SCAPER: variants seen among roughly 807,000 people sequenced by gnomAD.
The protein encoded by SCAPER is S-phase cyclin A associated protein in the ER.
A neutral mutation model predicts 182.2 loss-of-function variants in SCAPER; 98 were observed. That is an observed-to-expected ratio of 0.54 (90% CI 0.46 to 0.64). The LOEUF (loss-of-function observed/expected upper bound fraction) is 0.64, where lower values mean the gene tolerates loss of function less well. Ranked by LOEUF, SCAPER falls within the 30% of genes least tolerant of loss-of-function variation. The pLI is 0.00. For synonymous variants in SCAPER, 605 were observed against 564.6 expected (o/e 1.07, Z -1.01); for missense variants, 1,432 against 1,690.0 (o/e 0.85, Z 2.68).
In SCAPER at chr15:76,667,625, C is replaced by CAAAAAAAAAAAAAAA. The variant is rs775463270; in HGVS notation, c.2509-1851_2509-1837dup. 2.9e-4 allele frequency among the ~76,000 whole-genome samples: 8 copies of CAAAAAAAAAAAAAAA among 27,474 alleles called. 1 individual carries two copies. Among genetic ancestry groups the CAAAAAAAAAAAAAAA allele is most frequent in the African/African-American group, 2.6e-4 (2 of 7,622 alleles). 18.0% of individuals were successfully genotyped at this position (27,474 alleles called of 152,430 possible). A position where few individuals can be genotyped will look rare whatever the true frequency, so the allele number is the denominator to read the frequency against. ...GGGCAACAAGAGCGAGACTCAGTCT[C>CAAAAAAAAAAAAAAA]AAAAAAAAAAAAAAAAAAAAAAAAA... On this transcript the variant is annotated intron_variant, in intron 20 of 31. Coordinates refer to ENST00000563290, the MANE Select transcript of SCAPER (RefSeq NM_020843.4).
intron 31 of SCAPER, 41 bp from the exon 32 acceptor site, chr15:76,348,777 G>C: frequency 8.5e-7 from 1 of 1,177,838 alleles, no homozygotes; most frequent in African/African-American, 1.6e-5. Flanking sequence ...AATAAAAGAG[G>C]GTTAAATTCT....
chr15:76,387,316 C>G (rs903991997), intron 27 of SCAPER, among the ~76,000 whole-genome samples: 1 of 152,170 alleles, frequency 6.6e-6, no homozygotes, highest in East Asian at 1.9e-4. Context: ...ACAGTGGAGA[C>G]AGTGGATTGG....
intron 2 of SCAPER, among the ~76,000 whole-genome samples, chr15:76,867,893 A>G (rs1031190333): frequency 6.6e-6 from 1 of 152,168 alleles, no homozygotes; most frequent in African/African-American, 2.4e-5. Context: ...AATATAGGGG[A>G]AAATGAGGTA....
chr15:76,593,908 G>T (rs1383492320), intron 22 of SCAPER, among the ~76,000 whole-genome samples: 2 of 120,704 alleles, frequency 1.7e-5, no homozygotes, highest in Admixed American at 9.5e-5. Context: ...AACACCAGAA[G>T]GCCTCTTCTC....
At chr15:76,505,616 A>G (rs2041504426) in intron 23 of SCAPER, among the ~76,000 whole-genome samples, 1 of 152,210 alleles carries the variant, frequency 6.6e-6, no homozygotes, top group Admixed American at 6.5e-5. Context: ...GAGGATGTGG[A>G]GAGGGAACTC....
intron 5 of SCAPER, among the ~76,000 whole-genome samples, chr15:76,805,632 A>G (rs2066101104): frequency 7.0e-6 from 1 of 142,436 alleles, no homozygotes; most frequent in Non-Finnish European, 1.5e-5. Flanking sequence ...TGATCTCAGC[A>G]TCGCGGCTCA....
intron 7 of SCAPER, among the ~76,000 whole-genome samples, chr15:76,796,970 C>T (rs942519925): frequency 3.3e-5 from 5 of 152,098 alleles, no homozygotes; most frequent in African/African-American, 9.7e-5. Flanking sequence ...CCATACAGTG[C>T]CAGGCACTTA....
intron 5 of SCAPER, among the ~76,000 whole-genome samples, chr15:76,835,742 G>C (rs144620105): frequency 1.1e-4 from 16 of 152,058 alleles, no homozygotes; most frequent in African/African-American, 3.6e-4. Flanking sequence ...TAGGAAGAGA[G>C]GAAGTCAAGC....
intron 1 of SCAPER, among the ~76,000 whole-genome samples, chr15:76,896,769 T>C (rs1568428722): frequency 6.6e-6 from 1 of 151,824 alleles, no homozygotes; most frequent in Non-Finnish European, 1.5e-5. Flanking sequence ...TACAAAATAA[T>C]ACCAGCAATC....
At chr15:76,746,699 A>T (rs1034420153) in intron 15 of SCAPER, among the ~76,000 whole-genome samples, 2 of 152,278 alleles carry the variant, frequency 1.3e-5, no homozygotes, top group Admixed American at 1.3e-4. Flanking sequence ...ATCAATATAT[A>T]AAAATTGATT....
intron 4 of SCAPER, among the ~76,000 whole-genome samples, chr15:76,856,492 A>G (rs972280093): frequency 1.3e-5 from 2 of 150,866 alleles, no homozygotes; most frequent in African/African-American, 4.9e-5. Context: ...ATATATTTTT[A>G]TATGTATATA....
chr15:76,399,224 G>A (rs372949533), intron 27 of SCAPER, among the ~76,000 whole-genome samples: 4 of 152,050 alleles, frequency 2.6e-5, no homozygotes, highest in African/African-American at 9.7e-5. Flanking sequence ...TGCAACCTCC[G>A]CCTCCTGGGT....
At chr15:76,465,352 C>A (rs1041256496) in intron 25 of SCAPER, among the ~76,000 whole-genome samples, 1 of 152,092 alleles carries the variant, frequency 6.6e-6, no homozygotes, top group African/African-American at 2.4e-5. Context: ...TGAAAGTATT[C>A]ATGAGGGCTT....
chr15:76,861,608 T>C (rs2071876576), intron 3 of SCAPER, among the ~76,000 whole-genome samples: 1 of 152,124 alleles, frequency 6.6e-6, no homozygotes, highest in Admixed American at 6.6e-5. Flanking sequence ...GTAGAGATGA[T>C]TTTTTTTCTT....
At chr15:76,612,868 A>G (rs1358800856) in intron 22 of SCAPER, among the ~76,000 whole-genome samples, 2 of 152,202 alleles carry the variant, frequency 1.3e-5, no homozygotes, top group African/African-American at 4.8e-5. Context: ...ACTAAATTCA[A>G]TGCTATTCCC....
chr15:76,739,237 T>A (rs964037108), intron 15 of SCAPER, among the ~76,000 whole-genome samples: 1 of 152,192 alleles, frequency 6.6e-6, no homozygotes, highest in African/African-American at 2.4e-5. Flanking sequence ...GAGGGATGAC[T>A]ACATACATTG....
chr15:76,602,907 G>T (rs554042158), intron 22 of SCAPER, among the ~76,000 whole-genome samples: 2 of 103,348 alleles, frequency 1.9e-5, no homozygotes, highest in South Asian at 5.9e-4. Context: ...TCAAATTCTG[G>T]CATTTCTTTT....
intron 20 of SCAPER, among the ~76,000 whole-genome samples, chr15:76,679,430 T>C (rs2057559052): frequency 6.6e-6 from 1 of 152,244 alleles, no homozygotes; most frequent in Non-Finnish European, 1.5e-5. Context: ...CATTTATGCA[T>C]CATTTATTAT....
chr15:76,362,327 G>C (rs888174831), intron 29 of SCAPER, among the ~76,000 whole-genome samples: 1 of 151,604 alleles, frequency 6.6e-6, no homozygotes, highest in Non-Finnish European at 1.5e-5. Context: ...ACTTATATGG[G>C]AATAGTTTAT....
Sources: gnomAD v4.1 joint callset for allele counts (sites outside exome capture counted in the v4.1 genomes callset) on GRCh38, gnomAD v4.1.1 for gene constraint, MANE v1.5 for transcripts, NCBI Gene and HGNC (gene_info 2026-07-23, HGNC 2026-07-21) for gene names.